TRPM1: variants seen among roughly 807,000 people sequenced by gnomAD.
TRPM1 encodes TRPM1-203 APA Isoform, Intron 10.
TRPM1 carries 113 observed loss-of-function variants against 149.4 expected under a neutral mutation model. That is an observed-to-expected ratio of 0.76 (90% CI 0.65 to 0.88). The LOEUF (loss-of-function observed/expected upper bound fraction) is 0.88. TRPM1 is among the 40% of genes least tolerant of loss of function. The pLI is 0.00. For synonymous variants in TRPM1, 741 were observed against 759.5 expected (o/e 0.98, Z 0.40); for missense variants, 1,976 against 2,038.7 (o/e 0.97, Z 0.59).
chr15:31,063,066 C>G (rs146968421), intron 8 of TRPM1, 52 bp downstream of exon 8: 3 of 1,609,498 alleles, frequency 1.9e-6, no homozygotes, highest in African/African-American at 1.3e-5. Context: ...CTCCTTGGCC[C>G]GACAAAGAGG....
At chr15:31,126,682 G>A (rs961567775) in intron 1 of TRPM1, among the ~76,000 whole-genome samples, 3 of 151,930 alleles carry the variant, frequency 2.0e-5, no homozygotes, top group African/African-American at 7.3e-5. Flanking sequence ...TGCATTTGCC[G>A]GCCAGGCGCA....
At chr15:31,069,629 G>A in intron 4 of TRPM1, 2 of 1,325,380 alleles carry the variant, frequency 1.5e-6, no homozygotes, top group Non-Finnish European at 1.9e-6. Context: ...GCAGGCCCAG[G>A]GAAGCTGTGG....
At chr15:31,102,820 C>A (rs1048101133), upstream of TRPM1, among the ~76,000 whole-genome samples, 2 of 152,262 alleles carry the variant, frequency 1.3e-5, no homozygotes, top group Non-Finnish European at 2.9e-5. Context: ...GTGGCTCCCA[C>A]GTGCTTTGCT....
upstream of TRPM1, among the ~76,000 whole-genome samples, chr15:31,105,792 A>G (rs1213575349): frequency 6.6e-6 from 1 of 152,186 alleles, no homozygotes; most frequent in Non-Finnish European, 1.5e-5. Flanking sequence ...TGGTTATTCT[A>G]CACACTTGAT....
chr15:31,075,564 C>A (rs2034666954), intron 3 of TRPM1, among the ~76,000 whole-genome samples: 1 of 152,202 alleles, frequency 6.6e-6, no homozygotes, highest in Admixed American at 6.5e-5. Context: ...CAACTGCATT[C>A]ATTCAGGACT....
At chr15:31,037,890 A>G in intron 19 of TRPM1, 48 bp from the exon 20 acceptor site, 4 of 1,613,898 alleles carry the variant, frequency 2.5e-6, no homozygotes, top group Non-Finnish European at 3.4e-6. Flanking sequence ...TAAATGGGAA[A>G]TGCAAGGCAC....
intron 1 of TRPM1, among the ~76,000 whole-genome samples, chr15:31,089,889 G>A (rs2035181045): frequency 6.6e-6 from 1 of 152,210 alleles, no homozygotes; most frequent in Non-Finnish European, 1.5e-5. Context: ...GGGAACTGAT[G>A]TCACCTGGGG....
At position 31,067,280 on chromosome 15, in the gene TRPM1, A is replaced by C. The variant is rs1355333999; in HGVS notation, c.494-93T>G. ...AGGGACACTTGCCCTGAGTCCCTAC[A>C]TTCCCTACAGATCAGGGGTGAGACA... On this transcript the variant is annotated intron_variant, in intron 5 of 27. Transcript: ENST00000256552. 5.1e-6 allele frequency: 8 copies of C among 1,571,012 alleles called. No individual in the cohort carries two copies. The Admixed American group carries it at 1.3e-4, about 26-fold the overall frequency.
At chr15:31,113,518 C>G (rs2035740845) in intron 1 of TRPM1, among the ~76,000 whole-genome samples, 1 of 151,718 alleles carries the variant, frequency 6.6e-6, no homozygotes, top group African/African-American at 2.4e-5. Context: ...ATTTTCCAAA[C>G]TGTCAAAAAA....
intron 1 of TRPM1, among the ~76,000 whole-genome samples, chr15:31,137,356 C>T (rs540658540): frequency 1.3e-5 from 2 of 152,308 alleles, no homozygotes; most frequent in African/African-American, 4.8e-5. Context: ...TTCTGATATG[C>T]CTGCCTTTTT....
intron 11 of TRPM1, among the ~76,000 whole-genome samples, chr15:31,053,629 C>A (rs1009976101): frequency 2.0e-5 from 3 of 152,138 alleles, no homozygotes; most frequent in Non-Finnish European, 4.4e-5. Context: ...CAAACTGGAA[C>A]CCTGTGCACT....
At chr15:31,052,325 G>C (rs971596342) in intron 11 of TRPM1, among the ~76,000 whole-genome samples, 4 of 152,124 alleles carry the variant, frequency 2.6e-5, no homozygotes, top group African/African-American at 9.7e-5. Flanking sequence ...AAACCGTTAT[G>C]GTCCTGAGTG....
chr15:31,054,966 T>C (rs1423819344), intron 11 of TRPM1, among the ~76,000 whole-genome samples: 1 of 152,234 alleles, frequency 6.6e-6, no homozygotes, highest in East Asian at 1.9e-4. Flanking sequence ...AACCACATCA[T>C]ACTCTCATGC....
intron 13 of TRPM1, 52 bp from the exon 14 acceptor site, chr15:31,047,991 G>C (rs758977417): frequency 6.6e-7 from 1 of 1,520,384 alleles, no homozygotes; most frequent in South Asian, 1.1e-5. Context: ...GGCCAGGCGC[G>C]GTGGCTCACG....
Position 31,035,583 on chromosome 15 carries a change from G to A in TRPM1, c.2663C>T (p.Ser888Phe), listed in dbSNP as rs2033326015. Reference protein sequence around the residue: ...WPSLQEWIVISYIVSLALEKI... With the variant: ...WPSLQEWIVIFYIVSLALEKI... ...CTCTAACGCCAGGCTCACGATGTAG[G>A]AGATGACGATCCACTCCTGGAGGGA... The change falls in exon 21 of 28, where the codon TCC (serine) becomes TTC (phenylalanine). Residue 888 changes from serine to phenylalanine, a missense_variant. Coordinates refer to ENST00000256552, the MANE Select transcript of TRPM1 (RefSeq NM_001252024.2). 7 of 1,613,946 alleles carry A rather than the reference G, an allele frequency of 4.3e-6. No homozygotes were observed. In the South Asian group the frequency reaches 5.5e-5, roughly 13 times the overall value.
At chr15:31,131,113 T>C (rs551291675) in intron 1 of TRPM1, among the ~76,000 whole-genome samples, 1 of 152,202 alleles carries the variant, frequency 6.6e-6, no homozygotes, top group Admixed American at 6.5e-5. Context: ...AATTCATAGG[T>C]TTTAAATTGC....
intron 1 of TRPM1, among the ~76,000 whole-genome samples, chr15:31,096,294 T>G (rs2141009042): frequency 1.3e-5 from 2 of 152,332 alleles, no homozygotes; most frequent in South Asian, 4.1e-4. Context: ...TTTATCATTC[T>G]CTAAACTATG....
At position 31,028,500 on chromosome 15, in the gene TRPM1, C is replaced by G. The variant is rs72712216; in HGVS notation, c.3149-24G>C. 211,221 of 1,612,662 alleles carry G rather than the reference C, an allele frequency of 0.13. 15,228 individuals are homozygous for G. The highest frequency in any genetic ancestry group is 0.26 in the African/African-American group (19,844 of 74,908). ...AGCTGAAAGAAAAAAATAGTTTTGT[C>G]TTTGCTTTTTACATATAATGAAAAG... is the stretch of plus-strand genomic sequence containing the variant. On this transcript the variant is annotated intron_variant, in intron 24 of 27. Coordinates refer to ENST00000256552, the MANE Select transcript of TRPM1 (RefSeq NM_001252024.2).
At chr15:31,087,326 G>T (rs2035031158) in intron 1 of TRPM1, among the ~76,000 whole-genome samples, 1 of 129,404 alleles carries the variant, frequency 7.7e-6, no homozygotes. Context: ...CTCACAGCAA[G>T]CTCCGCCTCC....
Sources: allele counts gnomAD v4.1 joint callset (sites outside exome capture counted in the v4.1 genomes callset), GRCh38; gene constraint gnomAD v4.1.1; transcripts MANE v1.5; gene names NCBI Gene and HGNC (gene_info 2026-07-23, HGNC 2026-07-21).